The following MED9 variants were observed in gnomAD, a reference collection of about 807,000 sequenced individuals.
MED9 encodes mediator complex subunit 9, also known as mediator of RNA polymerase II transcription subunit 9.
In MED9, 8 loss-of-function variants were observed where a neutral mutation model predicts 13.2. The ratio of observed to expected loss-of-function variants is 0.61; its 90% CI spans 0.36 to 1.10. The LOEUF is 1.10. Ranked by LOEUF, MED9 falls within the 50% of genes least tolerant of loss-of-function variation. The pLI is 0.02. For missense variants in MED9, 180 were observed against 193.4 expected (o/e 0.93, Z 0.41); for synonymous variants, 87 against 82.8 (o/e 1.05, Z -0.28).
At chr17:17,488,844 GAAAAA>G (rs753433378) in intron 1 of MED9, among the ~76,000 whole-genome samples, 1 of 149,068 alleles carries the variant, frequency 6.7e-6, no homozygotes, top group Non-Finnish European at 1.5e-5. Flanking sequence ...AAAAAAAAAA[GAAAAA>G]AAGAAACCAC....
chr17:17,478,748 T>C (rs1904972943), intron 1 of MED9, among the ~76,000 whole-genome samples: 1 of 151,652 alleles, frequency 6.6e-6, no homozygotes, highest in African/African-American at 2.4e-5. Flanking sequence ...TCCCAGCTAC[T>C]CAGGAGGCTG....
rs116292832 is a variant in MED9 at position 17,481,146 on chromosome 17, C to G, written c.224+3881C>G. Among the ~76,000 whole-genome samples, 455 of 152,252 alleles carry G rather than the reference C, an allele frequency of 3.0e-3. 1 individual carries two copies. Among genetic ancestry groups the G allele is most frequent in the African/African-American group, 0.011 (445 of 41,550 alleles). On this transcript the variant is annotated intron_variant, in intron 1 of 1. Coordinates refer to ENST00000268711, the MANE Select transcript of MED9 (RefSeq NM_018019.3). ...CAGGTGTCTTCTGAGGGATGGGGAG[C>G]TAGTGAAACTGTCAGGCTGGAAGCC...
intron 1 of MED9, chr17:17,487,775 C>T (rs1405339074): frequency 1.3e-5 from 2 of 152,346 alleles, no homozygotes; most frequent in African/African-American, 4.8e-5. Flanking sequence ...AGTACAACCA[C>T]CCATGAATAG....
intron 1 of MED9, among the ~76,000 whole-genome samples, chr17:17,482,886 T>C (rs1345305447): frequency 6.6e-6 from 1 of 152,242 alleles, no homozygotes; most frequent in African/African-American, 2.4e-5. Context: ...TACCATGCAC[T>C]GAATTCCCAC....
At chr17:17,487,044 C>G (rs1330704336) in intron 1 of MED9, 9 of 152,198 alleles carry the variant, frequency 5.9e-5, no homozygotes, top group Admixed American at 4.6e-4. Context: ...AATCAGCACC[C>G]TGTGTTTAGC....
intron 1 of MED9, among the ~76,000 whole-genome samples, chr17:17,479,579 C>T (rs1052150836): frequency 9.9e-5 from 15 of 151,244 alleles, no homozygotes; most frequent in Admixed American, 7.9e-4. Context: ...AATCCCAACA[C>T]TTTAGGAGGC....
At chr17:17,477,318 A>C in intron 1 of MED9, 53 bp downstream of exon 1, 4 of 1,505,074 alleles carry the variant, frequency 2.7e-6, no homozygotes, top group Non-Finnish European at 2.7e-6. Flanking sequence ...TTCTCCTCTC[A>C]GCCGTTTCAG....
At position 17,477,061 on chromosome 17, in the gene MED9, C is replaced by T; in HGVS notation, c.20C>T (p.Ala7Val). The T allele has an allele frequency of 6.2e-7, 1 of 1,606,496 alleles. No homozygotes were observed. The highest frequency in any genetic ancestry group is 8.5e-7 in the Non-Finnish European group (1 of 1,179,664). MASAGV[A>V]AGRQAEDVLP... ...GGAGCCATGGCCTCTGCTGGGGTGG[C>T]AGCCGGGCGACAGGCGGAGGATGTA... Residue 7 changes from alanine (A) to valine (V), a missense_variant, in exon 1 of 2, where the codon GCA (alanine) becomes GTA (valine). Coordinates refer to ENST00000268711, the MANE Select transcript of MED9 (RefSeq NM_018019.3).
intron 1 of MED9, among the ~76,000 whole-genome samples, chr17:17,482,424 C>T (rs917032328): frequency 1.3e-5 from 2 of 152,174 alleles, no homozygotes; most frequent in African/African-American, 4.8e-5. Flanking sequence ...TAAAGCATCC[C>T]TTCATAGGCG....
rs1905230679 is a variant in MED9 at position 17,491,610 on chromosome 17, T to A, written c.*115T>A. 2 of 1,035,486 alleles carry A rather than the reference T, an allele frequency of 1.9e-6. No individual in the cohort carries two copies. Among genetic ancestry groups the A allele is most frequent in the Non-Finnish European group, 2.9e-6 (2 of 700,340 alleles). 64.1% of individuals were successfully genotyped at this position (1,035,486 alleles called of 1,614,324 possible). A position where few individuals can be genotyped will look rare whatever the true frequency, so the allele number is the denominator to read the frequency against. On this transcript the variant is annotated 3_prime_UTR_variant, in exon 2 of 2. Coordinates refer to ENST00000268711, the MANE Select transcript of MED9 (RefSeq NM_018019.3). Reference sequence around the variant, plus strand: ...TGGACCCCAGCTCAGCTCGTCAAGCTGCAGGGGCGGGGCTCCTGTGCTGCT... The same window carrying A: ...TGGACCCCAGCTCAGCTCGTCAAGCAGCAGGGGCGGGGCTCCTGTGCTGCT...
Position 17,491,299 on chromosome 17 carries a change from A to G in MED9, c.245A>G (p.Glu82Gly). The G allele has an allele frequency of 6.2e-7, 1 of 1,613,664 alleles. No individual in the cohort carries two copies. The highest frequency in any genetic ancestry group is 8.5e-7 in the Non-Finnish European group (1 of 1,179,996). Residue 82 changes from glutamate to glycine, a missense_variant, in exon 2 of 2, where the codon GAG (glutamate) becomes GGG (glycine). Physicochemically the swap from Glu to Gly is moderately conservative, Grantham distance 98. Coordinates refer to ENST00000268711, the MANE Select transcript of MED9 (RefSeq NM_018019.3). ...CACAGCATGGACAAGGACAGCCCGG[A>G]GGTCCACCAGGACCTGAACGCCCTC... ...IIKCMDKDSP[E>G]VHQDLNALKS...
At position 17,493,191 on chromosome 17, in the gene MED9, T is replaced by C. The variant is rs185728975; in HGVS notation, c.*1696T>C. 1 of 152,318 alleles carries C rather than the reference T, an allele frequency of 6.6e-6. No individual in the cohort carries two copies. Among genetic ancestry groups the C allele is most frequent in the Admixed American group, 6.5e-5 (1 of 15,306 alleles). The allele number at this position is 152,318 out of a possible 1,614,324, so 9.4% of individuals were successfully genotyped here. On this transcript the variant is annotated 3_prime_UTR_variant, in exon 2 of 2. Transcript: ENST00000268711. The stretch of plus-strand genomic sequence containing the variant: ...CTTGTGACATTTTTCAAACACATAA[T>C]TAAAAGGACTTATGCTCTGCTGTCT...
chr17:17,478,245 C>T (rs1028565206), intron 1 of MED9, among the ~76,000 whole-genome samples: 1 of 152,198 alleles, frequency 6.6e-6, no homozygotes, highest in Non-Finnish European at 1.5e-5. Context: ...CACTGTATAT[C>T]CACGTGATAC....
chr17:17,481,711 TC>T (rs1905036264), intron 1 of MED9, among the ~76,000 whole-genome samples: 1 of 152,224 alleles, frequency 6.6e-6, no homozygotes, highest in Admixed American at 6.5e-5. Context: ...CTGTTGATGG[TC>T]TTCTAGCTGT....
chr17:17,478,207 G>A (rs965734887), intron 1 of MED9, among the ~76,000 whole-genome samples: 3 of 152,168 alleles, frequency 2.0e-5, no homozygotes, highest in African/African-American at 7.2e-5. Context: ...TGTTGCCCAG[G>A]CTGTAAATTA....
chr17:17,491,907 A>T lies in MED9; in HGVS notation c.*412A>T, dbSNP rs898199122. On this transcript the variant is annotated 3_prime_UTR_variant, in exon 2 of 2. Coordinates refer to ENST00000268711, the MANE Select transcript of MED9 (RefSeq NM_018019.3). ...CTTCCCTCTCTCTCCTCCCACCCCC[A>T]TAGGATCAGTGTGTACCAGGTACAC... is the stretch of plus-strand genomic sequence containing the variant. 1 of 283,652 alleles carries T rather than the reference A, an allele frequency of 3.5e-6. No homozygotes were observed. The highest frequency in any genetic ancestry group is 8.4e-5 in the East Asian group (1 of 11,856). The allele number at this position is 283,652 out of a possible 1,614,324, so 17.6% of individuals were successfully genotyped here. A position where few individuals can be genotyped will look rare whatever the true frequency, so the allele number is the denominator to read the frequency against.
chr17:17,490,753 A>G (rs1905213292), intron 1 of MED9, among the ~76,000 whole-genome samples: 2 of 152,244 alleles, frequency 1.3e-5, no homozygotes, highest in African/African-American at 4.8e-5. Flanking sequence ...CTCAGCTAAA[A>G]TTAGCTCTTG....
At chr17:17,487,877 A>G (rs1222304207) in intron 1 of MED9, 3 of 152,226 alleles carry the variant, frequency 2.0e-5, no homozygotes, top group Admixed American at 6.5e-5. Flanking sequence ...AATGAGAACT[A>G]TGGATGGTCA....
At chr17:17,490,981 C>G (rs1380512549) in intron 1 of MED9, among the ~76,000 whole-genome samples, 1 of 152,174 alleles carries the variant, frequency 6.6e-6, no homozygotes, top group Non-Finnish European at 1.5e-5. Flanking sequence ...GGTAGGGAGA[C>G]ACCTGTGACC....
Sources: allele counts gnomAD v4.1 joint callset (sites outside exome capture counted in the v4.1 genomes callset), GRCh38; gene constraint gnomAD v4.1.1; transcripts MANE v1.5; gene names NCBI Gene and HGNC (gene_info 2026-07-23, HGNC 2026-07-21).